Variants in FCHSD2 observed in about 807,000 individuals in gnomAD.
The protein encoded by FCHSD2 is F-BAR and double SH3 domains protein 2.
FCHSD2 carries 38 observed loss-of-function variants against 108.1 expected under a neutral mutation model. The ratio of observed to expected loss-of-function variants is 0.35; its 90% CI spans 0.27 to 0.46. The LOEUF (loss-of-function observed/expected upper bound fraction) is 0.46. FCHSD2 is among the 20% of genes least tolerant of loss of function. The pLI, the probability that FCHSD2 is intolerant of heterozygous loss-of-function variation, is 1.00. For missense variants in FCHSD2, 751 were observed against 897.8 expected (o/e 0.84, Z 2.09); for synonymous variants, 279 against 314.7 (o/e 0.89, Z 1.20).
intron 10 of FCHSD2, among the ~76,000 whole-genome samples, chr11:72,898,123 C>T (rs1473660553): frequency 2.0e-5 from 3 of 152,000 alleles, no homozygotes; most frequent in Non-Finnish European, 4.4e-5. Flanking sequence ...AAAATTCTAC[C>T]CAAAAAAGCC....
intron 2 of FCHSD2, among the ~76,000 whole-genome samples, chr11:73,095,648 G>A (rs533136889): frequency 3.9e-5 from 6 of 152,294 alleles, no homozygotes; most frequent in African/African-American, 7.2e-5. Context: ...AACTCAAAGC[G>A]GGAGTACCTT....
intron 8 of FCHSD2, chr11:72,940,626 C>A: frequency 6.9e-7 from 1 of 1,443,220 alleles, no homozygotes; most frequent in Non-Finnish European, 9.7e-7. Flanking sequence ...CCCGCCCCAC[C>A]CAGCCTGATA....
chr11:72,949,342 C>G (rs894973029), intron 8 of FCHSD2, among the ~76,000 whole-genome samples: 13 of 152,128 alleles, frequency 8.5e-5, no homozygotes, highest in African/African-American at 2.4e-4. Flanking sequence ...CACAGCTACT[C>G]AGGAGGCTGA....
intron 8 of FCHSD2, among the ~76,000 whole-genome samples, chr11:72,951,776 G>A (rs544362933): frequency 6.6e-6 from 1 of 152,154 alleles, no homozygotes; most frequent in South Asian, 2.1e-4. Flanking sequence ...CCATTGATTT[G>A]AGGTTTACCC....
chr11:72,872,930 C>T (rs1171469431), intron 12 of FCHSD2, among the ~76,000 whole-genome samples: 2 of 152,220 alleles, frequency 1.3e-5, no homozygotes, highest in Non-Finnish European at 2.9e-5. Context: ...GGTTTCTCCA[C>T]ATCCTGGCAA....
chr11:72,843,889 T>C (rs1861043915), intron 14 of FCHSD2, among the ~76,000 whole-genome samples: 1 of 151,800 alleles, frequency 6.6e-6, no homozygotes, highest in Non-Finnish European at 1.5e-5. Context: ...ATGCCTGTAG[T>C]CCCAACTACT....
chr11:72,954,795 T>G (rs1856682067), intron 8 of FCHSD2, among the ~76,000 whole-genome samples: 1 of 151,742 alleles, frequency 6.6e-6, no homozygotes. Context: ...CATACAAACA[T>G]AGAAAGGGGG....
At chr11:72,864,400 C>T (rs1854672913) in intron 13 of FCHSD2, among the ~76,000 whole-genome samples, 1 of 152,156 alleles carries the variant, frequency 6.6e-6, no homozygotes, top group East Asian at 1.9e-4. Flanking sequence ...CAAAAATTAG[C>T]TGGGCATGGG....
intron 4 of FCHSD2, among the ~76,000 whole-genome samples, chr11:73,004,180 T>C (rs1857690060): frequency 6.7e-6 from 1 of 148,966 alleles, no homozygotes; most frequent in African/African-American, 2.5e-5. Context: ...ACATATCACA[T>C]GGTAAGTACT....
At chr11:73,130,784 G>T (rs1860978381) in intron 2 of FCHSD2, among the ~76,000 whole-genome samples, 1 of 152,096 alleles carries the variant, frequency 6.6e-6, no homozygotes, top group African/African-American at 2.4e-5. Context: ...CCATAATATG[G>T]AAGTATATAT....
chr11:73,044,971 G>A (rs534513157), intron 3 of FCHSD2, among the ~76,000 whole-genome samples: 1 of 151,852 alleles, frequency 6.6e-6, no homozygotes, highest in South Asian at 2.1e-4. Context: ...TCAGCAGGCT[G>A]AGGCAAGAGA....
At chr11:72,908,772 T>G (rs1281938662) in intron 9 of FCHSD2, among the ~76,000 whole-genome samples, 2 of 152,062 alleles carry the variant, frequency 1.3e-5, no homozygotes, top group African/African-American at 4.8e-5. Flanking sequence ...GCTCAAGAGA[T>G]CCTCCCATCT....
chr11:73,070,070 T>C (rs755415587), intron 3 of FCHSD2, among the ~76,000 whole-genome samples: 14 of 152,156 alleles, frequency 9.2e-5, no homozygotes, highest in Non-Finnish European at 1.9e-4. Context: ...CAAGAACTTC[T>C]GGCAAAAGTA....
Position 72,882,050 on chromosome 11 carries a change from C to T in FCHSD2, c.1146+5420G>A, listed in dbSNP as rs778261573. ...GTCCCGGCTAGTTGGGAGGCTGAGG[C>T]GGGAGAATGGCATGAAGCCGGGAGG... On this transcript the variant is annotated intron_variant, in intron 12 of 19. Coordinates refer to ENST00000409418, the MANE Select transcript of FCHSD2 (RefSeq NM_014824.3). Among the ~76,000 whole-genome samples, 17 of 152,126 alleles carry T rather than the reference C, an allele frequency of 1.1e-4. 1 individual carries two copies. The highest frequency in any genetic ancestry group is 1.9e-4 in the East Asian group (1 of 5,178).
chr11:72,890,001 A>G lies in FCHSD2; in HGVS notation c.925-56T>C, dbSNP rs1327960527. 3 of 1,081,056 alleles carry G rather than the reference A, an allele frequency of 2.8e-6. No homozygotes were observed. The African/African-American group carries it at 4.6e-5, about 17-fold the overall frequency. The allele number at this position is 1,081,056 out of a possible 1,614,324, so 67.0% of individuals were successfully genotyped here. On this transcript the variant is annotated intron_variant, in intron 10 of 19. Coordinates refer to ENST00000409418, the MANE Select transcript of FCHSD2 (RefSeq NM_014824.3). ...TATTGCTATCCTTATTGTAACCACT[A>G]CTGCTTTGTAGATGGATCAGAAGGC...
At chr11:72,913,488 C>T (rs909180486) in intron 9 of FCHSD2, among the ~76,000 whole-genome samples, 2 of 152,058 alleles carry the variant, frequency 1.3e-5, no homozygotes, top group East Asian at 1.9e-4. Flanking sequence ...AGGCTGATCG[C>T]GAACTCCTGG....
rs190139090 is a variant in FCHSD2, at chr11:73,083,672, G to A, written c.165+23C>T. 9 of 1,493,606 alleles carry A rather than the reference G, an allele frequency of 6.0e-6. No individual in the cohort carries two copies. In the East Asian group the frequency reaches 2.0e-4, roughly 33 times the overall value. The allele number at this position is 1,493,606 out of a possible 1,614,324, so 92.5% of individuals were successfully genotyped here. A position where few individuals can be genotyped will look rare whatever the true frequency, so the allele number is the denominator to read the frequency against. ...CACGGAAAAGAAGTATACCTAGAAT[G>A]GGACCTCCAATTTCAAGCTTACCTG... On this transcript the variant is annotated intron_variant, in intron 3 of 19. Coordinates refer to ENST00000409418, the MANE Select transcript of FCHSD2 (RefSeq NM_014824.3).
At chr11:72,884,992 G>T (rs1397517375) in intron 12 of FCHSD2, among the ~76,000 whole-genome samples, 2 of 151,870 alleles carry the variant, frequency 1.3e-5, no homozygotes, top group African/African-American at 2.4e-5. Context: ...TTTTGTATAG[G>T]TATTTATAAT....
At chr11:73,043,747 G>A (rs1015982591) in intron 3 of FCHSD2, among the ~76,000 whole-genome samples, 1 of 152,142 alleles carries the variant, frequency 6.6e-6, no homozygotes, top group Non-Finnish European at 1.5e-5. Context: ...TATGATATGT[G>A]TTACATTCAG....
Sources: gnomAD v4.1 joint callset for allele counts (sites outside exome capture counted in the v4.1 genomes callset) on GRCh38, gnomAD v4.1.1 for gene constraint, MANE v1.5 for transcripts, NCBI Gene and HGNC (gene_info 2026-07-23, HGNC 2026-07-21) for gene names.